The following CCSER1 variants were observed in gnomAD, a reference collection of about 807,000 sequenced individuals.
CCSER1 encodes the protein serine-rich coiled-coil domain-containing protein 1.
Under a neutral mutation model 82.0 loss-of-function variants are expected in CCSER1, and 41 were observed. The observed-to-expected ratio is 0.50, with a 90% CI of 0.39 to 0.65. CCSER1 has a LOEUF of 0.65. Among genes scored for constraint, CCSER1 ranks in the 30% least tolerant of loss-of-function variants. CCSER1 has a pLI of 0.00. For synonymous variants in CCSER1, 414 were observed against 383.9 expected, an observed-to-expected ratio of 1.08 and a Z score of -0.92; for missense variants, 1,119 against 1,064.2, an observed-to-expected ratio of 1.05 and a Z score of -0.72.
intron 8 of CCSER1, among the ~76,000 whole-genome samples, chr4:90,828,944 G>T: frequency 6.6e-6 from 1 of 152,070 alleles, no homozygotes; most frequent in East Asian, 1.9e-4. Context: ...GTGAGTTTAG[G>T]TATATAATTT....
intron 10 of CCSER1, among the ~76,000 whole-genome samples, chr4:91,390,711 T>C (rs1207160964): frequency 6.6e-6 from 1 of 152,096 alleles, no homozygotes; most frequent in Non-Finnish European, 1.5e-5. Context: ...ATCTGGGCAC[T>C]GTGGTTTCTG....
rs566255652 is a variant in CCSER1 at position 90,429,053 on chromosome 4, A to G, written c.1603+28924A>G. Among the ~76,000 whole-genome samples, 56 of 151,958 alleles carry G rather than the reference A, an allele frequency of 3.7e-4. No individual in the cohort carries two copies. The Middle Eastern group carries it at 0.01, about 28-fold the overall frequency. ...TGTATCACACTATTGCAAGATGTTA[A>G]TATGGTAACATTTGTGTATTTGTGT... is the stretch of plus-strand genomic sequence containing the variant. On this transcript the variant is annotated intron_variant, in intron 4 of 10. Transcript: ENST00000509176.
At chr4:90,724,654 T>A in intron 7 of CCSER1, 1 of 385,350 alleles carries the variant, frequency 2.6e-6, no homozygotes, top group Non-Finnish European at 5.1e-6. Flanking sequence ...TTATTAGGAT[T>A]ATTATAAATA....
chr4:90,600,292 G>T (rs908115437), intron 5 of CCSER1, among the ~76,000 whole-genome samples: 1 of 152,108 alleles, frequency 6.6e-6, no homozygotes, highest in African/African-American at 2.4e-5. Context: ...CAAACAGGTT[G>T]TAGTATTTCA....
At chr4:90,137,623 G>A (rs1723933351) in intron 1 of CCSER1, among the ~76,000 whole-genome samples, 1 of 152,096 alleles carries the variant, frequency 6.6e-6, no homozygotes, top group South Asian at 2.1e-4. Context: ...AAAAGCTAAG[G>A]AATTATAATT....
chr4:90,766,650 T>A (rs72663604), intron 7 of CCSER1, among the ~76,000 whole-genome samples: 10,107 of 151,804 alleles, frequency 0.067, 451 homozygotes, highest in East Asian at 0.12. Context: ...AATAAAAAAA[T>A]ATATATATAA....
At chr4:91,341,289 T>G (rs1036515958) in intron 10 of CCSER1, among the ~76,000 whole-genome samples, 2 of 152,224 alleles carry the variant, frequency 1.3e-5, no homozygotes, top group Admixed American at 6.5e-5. Flanking sequence ...AAAAATGCAC[T>G]GATTAATTCT....
At position 90,853,709 on chromosome 4, in the gene CCSER1, C is replaced by T. The variant is rs983423387; in HGVS notation, c.2094+37864C>T. 2.0e-5 allele frequency among the ~76,000 whole-genome samples: 3 copies of T among 152,074 alleles called. No individual in the cohort carries two copies. In the East Asian group the frequency reaches 5.8e-4, roughly 29 times the overall value. On this transcript the variant is annotated intron_variant, in intron 8 of 10. Coordinates refer to ENST00000509176, the MANE Select transcript of CCSER1 (RefSeq NM_001145065.2). ...AAGACTTTGAAAAAGTCTATATACACTTTGGAAAGTTCTGAGGAATAATAC... is the reference window on the plus strand; with the variant it reads ...AAGACTTTGAAAAAGTCTATATACATTTTGGAAAGTTCTGAGGAATAATAC...
chr4:90,248,211 G>A lies in CCSER1; in HGVS notation c.-41-60033G>A, dbSNP rs1721786476. On this transcript the variant is annotated intron_variant, in intron 1 of 10. Coordinates refer to ENST00000509176, the MANE Select transcript of CCSER1 (RefSeq NM_001145065.2). The stretch of plus-strand genomic sequence containing the variant: ...CAAGTACATATAACACTGGCAGAAG[G>A]ACCTTGTCTCTCTTGCATACCATTG... 3.3e-5 allele frequency among the ~76,000 whole-genome samples: 5 copies of A among 152,164 alleles called. No individual in the cohort carries two copies. In the South Asian group the frequency reaches 8.3e-4, roughly 25 times the overall value.
intron 10 of CCSER1, among the ~76,000 whole-genome samples, chr4:91,357,632 A>G (rs980597375): frequency 6.6e-6 from 1 of 151,922 alleles, no homozygotes; most frequent in African/African-American, 2.4e-5. Flanking sequence ...CTTTTCTTAT[A>G]CACTTCGCAC....
chr4:91,219,463 C>T (rs1233549950), intron 10 of CCSER1, among the ~76,000 whole-genome samples: 1 of 152,036 alleles, frequency 6.6e-6, no homozygotes, highest in African/African-American at 2.4e-5. Context: ...CAGTCGCCTG[C>T]CACCACACCT....
intron 10 of CCSER1, among the ~76,000 whole-genome samples, chr4:91,578,262 C>T (rs1223221127): frequency 6.6e-6 from 1 of 151,750 alleles, no homozygotes; most frequent in Non-Finnish European, 1.5e-5. Context: ...ATATAGTTCC[C>T]AATTTTTCAG....
chr4:90,782,681 C>CTTTTTTTTTTTTTTTTTTTTT (rs200701722), intron 7 of CCSER1, among the ~76,000 whole-genome samples: 1 of 123,976 alleles, frequency 8.1e-6, no homozygotes. Context: ...TCTTTTCTTT[C>CTTTTTTTTTTTTTTTTTTTTT]TTTCTTTTTT....
At chr4:91,245,637 A>G (rs1320844365) in intron 10 of CCSER1, among the ~76,000 whole-genome samples, 1 of 152,138 alleles carries the variant, frequency 6.6e-6, no homozygotes, top group African/African-American at 2.4e-5. Flanking sequence ...TCCTACAATA[A>G]ATGCTAAAGG....
At chr4:91,294,423 T>A (rs1357091725) in intron 10 of CCSER1, among the ~76,000 whole-genome samples, 1 of 151,806 alleles carries the variant, frequency 6.6e-6, no homozygotes, top group Non-Finnish European at 1.5e-5. Context: ...AAATAATATG[T>A]CGAACTCTCT....
intron 10 of CCSER1, among the ~76,000 whole-genome samples, chr4:91,583,017 A>G (rs1387557008): frequency 6.6e-6 from 1 of 151,436 alleles, no homozygotes; most frequent in Non-Finnish European, 1.5e-5. Flanking sequence ...ATATCGTTGT[A>G]TAGTCCACTT....
At chr4:91,050,534 G>A (rs1249575611) in intron 9 of CCSER1, among the ~76,000 whole-genome samples, 2 of 151,862 alleles carry the variant, frequency 1.3e-5, no homozygotes, top group Non-Finnish European at 2.9e-5. Flanking sequence ...ATGCCTTTCC[G>A]TGTCACAAAT....
intron 7 of CCSER1, among the ~76,000 whole-genome samples, chr4:90,765,424 G>T (rs1226721308): frequency 6.6e-6 from 1 of 152,006 alleles, no homozygotes; most frequent in Non-Finnish European, 1.5e-5. Flanking sequence ...AACATTTCTT[G>T]ACCTATTGAA....
chr4:90,706,505 A>G (rs975647870), intron 6 of CCSER1, among the ~76,000 whole-genome samples: 1 of 152,230 alleles, frequency 6.6e-6, no homozygotes, highest in African/African-American at 2.4e-5. Flanking sequence ...ACAAAAGTTA[A>G]AGATAATCTT....
Sources: gnomAD v4.1 joint callset for allele counts (sites outside exome capture counted in the v4.1 genomes callset) on GRCh38, gnomAD v4.1.1 for gene constraint, MANE v1.5 for transcripts, NCBI Gene and HGNC (gene_info 2026-07-23, HGNC 2026-07-21) for gene names.